The following ADGRB1 variants were observed in gnomAD, a reference collection of about 807,000 sequenced individuals.
ADGRB1 encodes the protein brain-specific angiogenesis inhibitor 1.
Under a neutral mutation model 175.7 loss-of-function variants are expected in ADGRB1, and 36 were observed. The ratio of observed to expected loss-of-function variants is 0.20; its 90% CI spans 0.16 to 0.27. The LOEUF is 0.27. Among genes scored for constraint, ADGRB1 ranks in the 10% least tolerant of loss-of-function variants. ADGRB1 has a pLI of 1.00. For missense variants in ADGRB1, 1,731 were observed against 2,255.3 expected (o/e 0.77, Z 4.71); for synonymous variants, 1,054 against 979.4 (o/e 1.08, Z -1.42).
At chr8:142,488,308 C>T in intron 13 of ADGRB1, 56 bp from the exon 14 acceptor site, 1 of 1,602,328 alleles carries the variant, frequency 6.2e-7, no homozygotes, top group Non-Finnish European at 8.5e-7. Flanking sequence ...TGAGGCCCCG[C>T]CACATCTGTG....
chr8:142,533,722 G>T (rs952844944), intron 25 of ADGRB1, among the ~76,000 whole-genome samples: 4 of 152,208 alleles, frequency 2.6e-5, no homozygotes, highest in Non-Finnish European at 1.5e-5. Context: ...GCTTGGGGGC[G>T]TGGGGGACGA....
chr8:142,487,520 G>A (rs772617112), intron 13 of ADGRB1, among the ~76,000 whole-genome samples: 18 of 152,162 alleles, frequency 1.2e-4, no homozygotes, highest in East Asian at 3.9e-4. Flanking sequence ...CTACTGATGC[G>A]CATGCCCTCT....
Position 142,542,187 on chromosome 8 carries a change from C to T in ADGRB1, c.3953C>T (p.Ser1318Phe), listed in dbSNP as rs1194502403. The T allele has an allele frequency of 6.2e-7, 1 of 1,613,720 alleles. No homozygotes were observed. The highest frequency in any genetic ancestry group is 2.2e-5 in the East Asian group (1 of 44,876). ...TLKRDKAPKS[S>F]FVGDGDIFKK... ...AAGAGGGACAAGGCGCCCAAGTCCT[C>T]CTTCGTCGGTGACGGGGACATCTTC... Residue 1318 changes from serine (S) to phenylalanine (F), a missense_variant, in exon 28 of 31, where the codon TCC becomes TTC. This residue lies in a region of ADGRB1 where 394 missense variants were observed against 410.2 expected (regional missense o/e 0.96). Coordinates refer to ENST00000517894, the MANE Select transcript of ADGRB1 (RefSeq NM_001702.3). This position sits in a 1 kb window ranked among gnomAD's most constrained non-coding sequence, Gnocchi z 6.3.
At chr8:142,485,514 G>C (rs531294315) in intron 13 of ADGRB1, among the ~76,000 whole-genome samples, 11 of 152,306 alleles carry the variant, frequency 7.2e-5, no homozygotes, top group African/African-American at 2.6e-4. Flanking sequence ...AGCACAGTGA[G>C]ACCCTGTCTC....
At chr8:142,506,963 C>T (rs919673298) in intron 17 of ADGRB1, among the ~76,000 whole-genome samples, 16 of 152,210 alleles carry the variant, frequency 1.1e-4, no homozygotes, top group Non-Finnish European at 2.1e-4. Context: ...CGGTCCCTTG[C>T]AGACCTGCAT....
chr8:142,486,174 A>C (rs2131855808), intron 13 of ADGRB1, among the ~76,000 whole-genome samples: 2 of 152,182 alleles, frequency 1.3e-5, no homozygotes, highest in East Asian at 3.9e-4. Context: ...CACTCCCAGG[A>C]CCCTGCTTCT....
chr8:142,531,606 G>A (rs1346450602), intron 24 of ADGRB1, among the ~76,000 whole-genome samples: 1 of 152,182 alleles, frequency 6.6e-6, no homozygotes, highest in Non-Finnish European at 1.5e-5. Flanking sequence ...GGGCGGGTGC[G>A]TGGCCAGGGC....
chr8:142,482,113 C>T (rs1439485562), intron 11 of ADGRB1, among the ~76,000 whole-genome samples: 4 of 151,050 alleles, frequency 2.6e-5, no homozygotes, highest in Non-Finnish European at 5.9e-5. Flanking sequence ...CCTGGTCACA[C>T]TCTGAGTCCT....
chr8:142,502,407 G>A (rs1269364157), intron 17 of ADGRB1, among the ~76,000 whole-genome samples: 7 of 92,668 alleles, frequency 7.6e-5, no homozygotes, highest in South Asian at 4.0e-4. Context: ...TGATGGTGGT[G>A]GTGGTGGTGG....
At chr8:142,502,679 C>T (rs536233365) in intron 17 of ADGRB1, among the ~76,000 whole-genome samples, 6 of 75,710 alleles carry the variant, frequency 7.9e-5, no homozygotes, top group East Asian at 3.7e-4. Context: ...TAGTAAGGGT[C>T]GCATTGTTGG....
At chr8:142,524,343 C>T in intron 23 of ADGRB1, 39 bp downstream of exon 23, 4 of 1,547,162 alleles carry the variant, frequency 2.6e-6, no homozygotes, top group Non-Finnish European at 3.5e-6. Context: ...ACGACCCCAC[C>T]TGGGCCCCCC....
intron 17 of ADGRB1, among the ~76,000 whole-genome samples, chr8:142,507,760 GC>G (rs1322886601): frequency 6.6e-6 from 1 of 152,222 alleles, no homozygotes; most frequent in East Asian, 1.9e-4. Context: ...CTGAGGTTGT[GC>G]TGTGCCTGGC....
intron 2 of ADGRB1, among the ~76,000 whole-genome samples, chr8:142,473,781 G>C (rs914517176): frequency 1.3e-5 from 2 of 152,234 alleles, no homozygotes; most frequent in Admixed American, 1.3e-4. Flanking sequence ...GACCCCACCA[G>C]GGAGAAAATG....
chr8:142,488,959 G>A (rs1404570320), intron 14 of ADGRB1, 76 bp from the exon 15 acceptor site: 1 of 1,519,084 alleles, frequency 6.6e-7, no homozygotes, highest in East Asian at 2.4e-5. Context: ...GTGACAGCGG[G>A]GTCCAGGCCA....
At chr8:142,475,428 C>T (rs1031655915) in intron 2 of ADGRB1, 46 bp from the exon 3 acceptor site, 30 of 1,260,148 alleles carry the variant, frequency 2.4e-5, no homozygotes, top group Non-Finnish European at 3.0e-5. Context: ...GTCCAGGCCA[C>T]GAGCCCCTGC....
chr8:142,501,235 G>A lies in ADGRB1; in HGVS notation c.2676-9697G>A, dbSNP rs141196945. ...AGGTGACGGTTGTGGTGACAGTGGT[G>A]GTAATGACTGTGCTGTTAATGGCAG... On this transcript the variant is annotated intron_variant, in intron 17 of 30. Coordinates refer to ENST00000517894, the MANE Select transcript of ADGRB1 (RefSeq NM_001702.3). 2.1e-3 allele frequency among the ~76,000 whole-genome samples: 320 copies of A among 152,290 alleles called. 1 individual carries two copies. Among genetic ancestry groups the A allele is most frequent in the African/African-American group, 7.2e-3 (298 of 41,548 alleles).
chr8:142,451,009 T>C (rs1050742207), intron 1 of ADGRB1, among the ~76,000 whole-genome samples: 3 of 152,060 alleles, frequency 2.0e-5, no homozygotes, highest in Non-Finnish European at 4.4e-5. Context: ...CCGCGCTAGC[T>C]TGGAGCCGCG....
chr8:142,509,074 TCA>T (rs1374795955), intron 17 of ADGRB1, among the ~76,000 whole-genome samples: 1 of 152,010 alleles, frequency 6.6e-6, no homozygotes, highest in Non-Finnish European at 1.5e-5. Context: ...AAGGGCATTC[TCA>T]CGGGTCTCCC....
chr8:142,507,887 C>T (rs1163553819), intron 17 of ADGRB1, among the ~76,000 whole-genome samples: 1 of 152,056 alleles, frequency 6.6e-6, no homozygotes, highest in African/African-American at 2.4e-5. Context: ...CTGGCCTGTA[C>T]TGTGCTGGCC....
Sources: allele counts gnomAD v4.1 joint callset (sites outside exome capture counted in the v4.1 genomes callset), GRCh38; gene constraint gnomAD v4.1.1; regional missense constraint gnomAD v4.1.1; non-coding constraint Gnocchi (gnomAD v3.1); transcripts MANE v1.5; gene names NCBI Gene and HGNC (gene_info 2026-07-23, HGNC 2026-07-21).